HDAC4: variants seen among roughly 807,000 people sequenced by gnomAD.
The protein encoded by HDAC4 is histone deacetylase A.
In HDAC4, 16 loss-of-function variants were observed where a neutral mutation model predicts 135.1. The observed-to-expected ratio is 0.12, with a 90% confidence interval of 0.08 to 0.18. The LOEUF (loss-of-function observed/expected upper bound fraction) is 0.18. Among genes scored for constraint, HDAC4 ranks in the 10% least tolerant of loss-of-function variants. The probability of loss-of-function intolerance (pLI) is 1.00; values close to 1 mark genes in which losing one functional copy is unlikely to be tolerated. For missense variants in HDAC4, 1,143 were observed against 1,511.8 expected (o/e 0.76, Z 4.05); for synonymous variants, 685 against 653.4 (o/e 1.05, Z -0.74).
At chr2:239,210,696 C>G (rs764912373) in intron 3 of HDAC4, among the ~76,000 whole-genome samples, 2 of 152,172 alleles carry the variant, frequency 1.3e-5, no homozygotes, top group Non-Finnish European at 2.9e-5. Context: ...GGAGGAAACG[C>G]CAGTTTAGAG....
At chr2:239,098,456 C>A (rs929424239) in intron 16 of HDAC4, among the ~76,000 whole-genome samples, 1 of 152,230 alleles carries the variant, frequency 6.6e-6, no homozygotes, top group South Asian at 2.1e-4. Flanking sequence ...ATTTTCCTGC[C>A]GCACCCTACC....
At chr2:239,222,011 T>C (rs1244355583) in intron 3 of HDAC4, among the ~76,000 whole-genome samples, 1 of 152,236 alleles carries the variant, frequency 6.6e-6, no homozygotes, top group Admixed American at 6.5e-5. Context: ...AGTCCTTCCT[T>C]GCCAGCATTA....
intron 14 of HDAC4, among the ~76,000 whole-genome samples, chr2:239,111,266 G>A (rs1394451002): frequency 6.6e-6 from 1 of 152,254 alleles, no homozygotes; most frequent in African/African-American, 2.4e-5. Flanking sequence ...GTTCTTGGAG[G>A]AGACCATGGG....
intron 2 of HDAC4, among the ~76,000 whole-genome samples, chr2:239,267,855 G>T (rs968250673): frequency 1.3e-5 from 2 of 152,256 alleles, no homozygotes; most frequent in Non-Finnish European, 2.9e-5. Context: ...GCTTGCCATT[G>T]TTCCCAGCTT....
intron 2 of HDAC4, among the ~76,000 whole-genome samples, chr2:239,249,340 A>G (rs2048648730): frequency 6.6e-6 from 1 of 151,880 alleles, no homozygotes; most frequent in Non-Finnish European, 1.5e-5. Context: ...AAGGCGGGGG[A>G]GGCGGAGAGA....
At position 239,139,823 on chromosome 2, in the gene HDAC4, G is replaced by A. The variant is rs755394192; in HGVS notation, c.866-27C>T. 2 of 1,595,352 alleles carry A rather than the reference G, an allele frequency of 1.3e-6. No individual in the cohort carries two copies. Among genetic ancestry groups the A allele is most frequent in the East Asian group, 2.2e-5 (1 of 44,762 alleles). On this transcript the variant is annotated intron_variant, in intron 8 of 26. Transcript: ENST00000543185. This position sits in a 1 kb window ranked among gnomAD's most constrained non-coding sequence, Gnocchi z 5.3. ...TGCGGAGGCAGAAATACCCTGGTGAGTGTTACTCCATGCGGAGGGAGGGCC... is the reference window on the plus strand; with the variant it reads ...TGCGGAGGCAGAAATACCCTGGTGAATGTTACTCCATGCGGAGGGAGGGCC...
chr2:239,383,907 G>A (rs562583759), intron 1 of HDAC4, among the ~76,000 whole-genome samples: 1 of 152,362 alleles, frequency 6.6e-6, no homozygotes, highest in Admixed American at 6.5e-5. Context: ...AACAAGGCCA[G>A]ACAAGGACAG....
intron 2 of HDAC4, chr2:239,298,751 G>T: frequency 3.3e-6 from 1 of 301,282 alleles, no homozygotes; most frequent in Non-Finnish European, 4.9e-6. Flanking sequence ...AAACATTTTA[G>T]AATGATTTTC....
At chr2:239,373,527 G>A (rs989611947) in intron 1 of HDAC4, among the ~76,000 whole-genome samples, 6 of 152,064 alleles carry the variant, frequency 3.9e-5, no homozygotes, top group African/African-American at 1.4e-4. Context: ...GGAGTGCGGT[G>A]GTGTGATCTC....
chr2:239,397,050 T>G (rs1696608452), intron 1 of HDAC4, among the ~76,000 whole-genome samples: 1 of 152,240 alleles, frequency 6.6e-6, no homozygotes, highest in Non-Finnish European at 1.5e-5. Context: ...GAAACGCGCC[T>G]GTAACAGCGC....
chr2:239,316,462 C>T (rs2053118324), intron 2 of HDAC4, among the ~76,000 whole-genome samples: 1 of 152,088 alleles, frequency 6.6e-6, no homozygotes, highest in African/African-American at 2.4e-5. Context: ...AAAAAAATTA[C>T]CTAGGCATGG....
chr2:239,388,972 T>C (rs975245543), intron 1 of HDAC4, among the ~76,000 whole-genome samples: 1 of 152,198 alleles, frequency 6.6e-6, no homozygotes, highest in African/African-American at 2.4e-5. Context: ...TGCCGAGGGC[T>C]TCTCCCACAG....
At chr2:239,221,224 G>A (rs1473609373) in intron 3 of HDAC4, among the ~76,000 whole-genome samples, 7 of 152,250 alleles carry the variant, frequency 4.6e-5, no homozygotes, top group South Asian at 2.1e-4. Flanking sequence ...GGGATGGAGC[G>A]GACATCGGCC....
chr2:239,229,363 C>T (rs1188465889), intron 3 of HDAC4, among the ~76,000 whole-genome samples: 1 of 152,148 alleles, frequency 6.6e-6, no homozygotes, highest in Non-Finnish European at 1.5e-5. Flanking sequence ...GCTATTCATA[C>T]CGGCCCTCAG....
At chr2:239,128,526 CA>C (rs34764817) in intron 11 of HDAC4, among the ~76,000 whole-genome samples, 5 of 147,694 alleles carry the variant, frequency 3.4e-5, no homozygotes, top group Middle Eastern at 3.6e-3. Context: ...GACTCTGTCT[CA>C]AAAAAAAAAT....
chr2:239,070,642 G>A (rs961767027), intron 22 of HDAC4, among the ~76,000 whole-genome samples: 54 of 152,304 alleles, frequency 3.5e-4, no homozygotes, highest in Admixed American at 1.2e-3. Context: ...CTTTCCTGGC[G>A]GACAGCAAGG....
At chr2:239,160,247 TATAAAC>T (rs1335117769) in intron 6 of HDAC4, among the ~76,000 whole-genome samples, 5 of 152,230 alleles carry the variant, frequency 3.3e-5, no homozygotes, top group East Asian at 1.9e-4. Context: ...TTATAATCGA[TATAAAC>T]ATATTAATAA....
intron 2 of HDAC4, among the ~76,000 whole-genome samples, chr2:239,283,892 G>A (rs1223085678): frequency 2.0e-5 from 3 of 152,226 alleles, no homozygotes; most frequent in Admixed American, 2.0e-4. Flanking sequence ...CTGACTGGAG[G>A]GGCCATGTAG....
At position 239,308,700 on chromosome 2, in the gene HDAC4, G is replaced by C. The variant is rs573502537; in HGVS notation, c.22+43978C>G. On this transcript the variant is annotated intron_variant, in intron 2 of 26. Coordinates refer to ENST00000543185, the MANE Select transcript of HDAC4 (RefSeq NM_001378414.1). The surrounding 1 kb of genome is among the most constrained non-coding windows in gnomAD (Gnocchi z 4.2). ...TCCCCCCCTTCCAGCCCAGTGCAGG[G>C]GTTCAGCCGCTGCAGAAACTCCGAA... Among the ~76,000 whole-genome samples, 92 of 152,238 alleles carry C rather than the reference G, an allele frequency of 6.0e-4. No individual in the cohort carries two copies. Among genetic ancestry groups the C allele is most frequent in the African/African-American group, 2.0e-3 (83 of 41,526 alleles).
Sources: allele counts gnomAD v4.1 joint callset (sites outside exome capture counted in the v4.1 genomes callset), GRCh38; gene constraint gnomAD v4.1.1; non-coding constraint Gnocchi (gnomAD v3.1); transcripts MANE v1.5; gene names NCBI Gene and HGNC (gene_info 2026-07-23, HGNC 2026-07-21).